The following DCHS2 variants were observed in gnomAD, a reference collection of about 807,000 sequenced individuals.
DCHS2 encodes the protein protocadherin-23.
In DCHS2, 142 loss-of-function variants were observed where a neutral mutation model predicts 182.4. That is an observed-to-expected ratio of 0.78 (90% CI 0.68 to 0.89). The LOEUF is 0.89. DCHS2 is among the 40% of genes least tolerant of loss of function. The probability of loss-of-function intolerance (pLI) is 0.00; values close to 1 mark genes in which losing one functional copy is unlikely to be tolerated. For missense variants in DCHS2, 4,319 were observed against 4,198.6 expected (o/e 1.03, Z -0.79); for synonymous variants, 1,740 against 1,663.3 (o/e 1.05, Z -1.12).
chr4:154,280,450 TA>T (rs1734077291), intron 13 of DCHS2, among the ~76,000 whole-genome samples: 1 of 152,146 alleles, frequency 6.6e-6, no homozygotes, highest in African/African-American at 2.4e-5. Flanking sequence ...ATCTCCCTGA[TA>T]AATATATATG....
At chr4:154,237,192 G>C (rs1198614189) in intron 19 of DCHS2, 33 bp from the exon 20 acceptor site, 2 of 1,564,894 alleles carry the variant, frequency 1.3e-6, no homozygotes, top group East Asian at 2.3e-5. Context: ...TCAACACTGT[G>C]AGGTGCAGTT....
Position 154,304,738 on chromosome 4 carries a change from C to A in DCHS2, c.5536G>T (p.Val1846Phe), listed in dbSNP as rs1735373366. The change falls in exon 12 of 20, where the codon GTT becomes TTT. Residue 1846 changes from valine (V) to phenylalanine (F), a missense_variant. By Grantham distance (50) the Val-to-Phe change is conservative. Transcript: ENST00000357232. ...IEVLENQEPE[V>F]VYTVLASDMD... The stretch of plus-strand genomic sequence containing the variant: ...TCAGAGGCTAAAACCGTATAGACAA[C>A]CTCTGGTTCCTGGTTTTCCAGAACC... 6.2e-7 allele frequency: 1 copy of A among 1,614,022 alleles called. No homozygotes were observed. Among genetic ancestry groups the A allele is most frequent in the Non-Finnish European group, 8.5e-7 (1 of 1,179,960 alleles).
At chr4:154,367,783 A>T (rs1411589328) in intron 2 of DCHS2, among the ~76,000 whole-genome samples, 1 of 152,038 alleles carries the variant, frequency 6.6e-6, no homozygotes, top group Admixed American at 6.5e-5. Context: ...AATGACAAGG[A>T]GGAAGAAGAT....
chr4:154,332,616 A>T lies in DCHS2; in HGVS notation c.3592T>A (p.Leu1198Met). The change falls in exon 5 of 20, where the codon TTG becomes ATG. Residue 1198 changes from leucine (L) to methionine (M), a missense_variant. Coordinates refer to ENST00000357232, the MANE Select transcript of DCHS2 (RefSeq NM_001358235.2). ...SPTFLHDVLF[L>M]KVEESPVPQG... ...GGAACAGGGCTCTCTTCGACTTTCA[A>T]AAACAACACATCATGCAAGAAGGTG... is the stretch of plus-strand genomic sequence containing the variant. The T allele has an allele frequency of 6.2e-7, 1 of 1,614,244 alleles. No individual in the cohort carries two copies. Among genetic ancestry groups the T allele is most frequent in the Non-Finnish European group, 8.5e-7 (1 of 1,180,050 alleles).
At chr4:154,417,188 TGTGTGTGTGTGTGTGTGAGAGAGAGAGA>T (rs1385455589) in intron 1 of DCHS2, among the ~76,000 whole-genome samples, 22 of 111,576 alleles carry the variant, frequency 2.0e-4, no homozygotes, top group African/African-American at 5.4e-4. Context: ...TGTGTGTGTG[TGTGTGTGTGTGTGTGTGAGAGAGAGAGA>T]GAGAGAGAGA....
chr4:154,489,793 C>G lies in DCHS2; in HGVS notation c.1563G>C (p.Thr521=). 1.3e-6 allele frequency: 2 copies of G among 1,551,598 alleles called. No homozygotes were observed. Among genetic ancestry groups the G allele is most frequent in the Non-Finnish European group, 1.7e-6 (2 of 1,146,938 alleles). ...CGACCCGGAGTAGCAGCGTCTCCTC[C>G]GTGCTCAGCGGCGGGGACCCCGCGT... The part of the protein sequence containing the change: ...ATDAGSPPLS[T]EETLLLRVAD... Residue 521 remains threonine (T), a synonymous_variant, in exon 1 of 20, where the codon ACG becomes ACC. Transcript: ENST00000357232.
At chr4:154,388,534 G>A (rs1413950155) in intron 1 of DCHS2, among the ~76,000 whole-genome samples, 21 of 134,116 alleles carry the variant, frequency 1.6e-4, no homozygotes, top group Non-Finnish European at 2.2e-4. Flanking sequence ...TCCCTCTGTC[G>A]CCCAGGCTGC....
In DCHS2 at chr4:154,347,526, T is replaced by C. The variant is rs544275924; in HGVS notation, c.2477-12422A>G. 1.5e-3 allele frequency among the ~76,000 whole-genome samples: 222 copies of C among 151,836 alleles called. 1 individual carries two copies. The highest frequency in any genetic ancestry group is 2.7e-3 in the Non-Finnish European group (183 of 68,028). On this transcript the variant is annotated intron_variant, in intron 3 of 19. Transcript: ENST00000357232. ...GCTATGAGGATAAAATTACATCGTA[T>C]ATATAAACAAAGTACTGTTGTACTA...
At position 154,330,575 on chromosome 4, in the gene DCHS2, A is replaced by C. The variant is rs575394795; in HGVS notation, c.3731-865T>G. Among the ~76,000 whole-genome samples the C allele has an allele frequency of 5.3e-5, 8 of 151,210 alleles. No individual in the cohort carries two copies. In the East Asian group the frequency reaches 9.7e-4, roughly 18 times the overall value. On this transcript the variant is annotated intron_variant, in intron 5 of 19. Coordinates refer to ENST00000357232, the MANE Select transcript of DCHS2 (RefSeq NM_001358235.2). ...AGCATTGATTTCCTCACCATTTATG[A>C]AAAAAAAATGTACCTGTGAGAATGT...
intron 1 of DCHS2, among the ~76,000 whole-genome samples, chr4:154,400,167 G>A (rs1732103949): frequency 6.6e-6 from 1 of 152,002 alleles, no homozygotes; most frequent in Non-Finnish European, 1.5e-5. Flanking sequence ...GCCGGGCGTG[G>A]TGGCGGGTGC....
intron 13 of DCHS2, among the ~76,000 whole-genome samples, chr4:154,277,503 C>G (rs778979113): frequency 1.3e-5 from 2 of 152,068 alleles, no homozygotes; most frequent in Non-Finnish European, 2.9e-5. Context: ...GAAGATTCAT[C>G]CCCAGAAAAC....
chr4:154,374,827 A>G (rs1397502931), intron 2 of DCHS2, among the ~76,000 whole-genome samples: 1 of 152,190 alleles, frequency 6.6e-6, no homozygotes, highest in Admixed American at 6.6e-5. Flanking sequence ...TTCAAAATGT[A>G]TAAGTGAAAA....
intron 14 of DCHS2, among the ~76,000 whole-genome samples, chr4:154,265,408 A>G (rs945839286): frequency 6.6e-6 from 1 of 152,232 alleles, no homozygotes; most frequent in African/African-American, 2.4e-5. Context: ...TGATTCTATT[A>G]TCATACTTAA....
At chr4:154,260,503 G>T (rs1249467037) in intron 14 of DCHS2, among the ~76,000 whole-genome samples, 1 of 152,100 alleles carries the variant, frequency 6.6e-6, no homozygotes, top group African/African-American at 2.4e-5. Flanking sequence ...TAAAAAAAAA[G>T]ATGCTGTCAT....
Position 154,447,150 on chromosome 4 carries a change from G to C in DCHS2, c.2052+42154C>G, listed in dbSNP as rs531407034. ...CTACTAAAAATACAAAAACTAGCCG[G>C]ACATGGTGGTGCACTCCTGTAATCC... On this transcript the variant is annotated intron_variant, in intron 1 of 19. Transcript: ENST00000357232. 2.6e-5 allele frequency among the ~76,000 whole-genome samples: 4 copies of C among 152,218 alleles called. 1 individual carries two copies. In the East Asian group the frequency reaches 7.7e-4, roughly 29 times the overall value.
At chr4:154,460,166 A>G (rs551739805) in intron 1 of DCHS2, among the ~76,000 whole-genome samples, 56 of 152,242 alleles carry the variant, frequency 3.7e-4, no homozygotes, top group Non-Finnish European at 6.8e-4. Flanking sequence ...AAAGTCTCCA[A>G]TGATTTAATT....
At chr4:154,369,335 G>A (rs1415629117) in intron 2 of DCHS2, among the ~76,000 whole-genome samples, 2 of 152,168 alleles carry the variant, frequency 1.3e-5, no homozygotes, top group Admixed American at 1.3e-4. Context: ...CATTTCTAGA[G>A]GGAGTGAGTT....
At chr4:154,288,501 T>A (rs530913098) in intron 13 of DCHS2, among the ~76,000 whole-genome samples, 9 of 152,150 alleles carry the variant, frequency 5.9e-5, no homozygotes, top group Non-Finnish European at 1.0e-4. Flanking sequence ...CAGCATTGGA[T>A]ATATCATCCA....
At chr4:154,400,553 G>A (rs925098379) in intron 1 of DCHS2, among the ~76,000 whole-genome samples, 6 of 152,046 alleles carry the variant, frequency 3.9e-5, no homozygotes, top group Admixed American at 2.6e-4. Flanking sequence ...AACTAGCCTC[G>A]GTATAGTGAC....
Sources: allele counts gnomAD v4.1 joint callset (sites outside exome capture counted in the v4.1 genomes callset), GRCh38; gene constraint gnomAD v4.1.1; transcripts MANE v1.5; gene names NCBI Gene and HGNC (gene_info 2026-07-23, HGNC 2026-07-21).